TENM3: variants seen among roughly 807,000 people sequenced by gnomAD.
TENM3 encodes the protein teneurin-3.
TENM3 carries 63 observed loss-of-function variants against 255.1 expected under a neutral mutation model. That is an observed-to-expected ratio of 0.25 (90% CI 0.20 to 0.30). The LOEUF (loss-of-function observed/expected upper bound fraction) is 0.30. TENM3 is among the 10% of genes least tolerant of loss of function. TENM3 has a pLI of 1.00. For missense variants in TENM3, 2,929 were observed against 3,461.1 expected (o/e 0.85, Z 3.86); for synonymous variants, 1,306 against 1,322.3 (o/e 0.99, Z 0.27).
intron 3 of TENM3, among the ~76,000 whole-genome samples, chr4:182,438,236 C>A (rs1399390212): frequency 1.3e-5 from 2 of 152,142 alleles, no homozygotes; most frequent in African/African-American, 4.8e-5. Flanking sequence ...CTTTAGTGTG[C>A]AAACTATTTA....
chr4:182,205,157 T>C (rs1011157408), intron 1 of TENM3, among the ~76,000 whole-genome samples: 2 of 152,238 alleles, frequency 1.3e-5, no homozygotes, highest in African/African-American at 4.8e-5. Flanking sequence ...AAAGCCCACA[T>C]TGACCGTGGC....
the TENM3 span, among the ~76,000 whole-genome samples, chr4:181,929,237 T>C: frequency 2.6e-4 from 39 of 152,080 alleles, no homozygotes; most frequent in African/African-American, 9.4e-4. Context: ...GACTGGCAAA[T>C]TGAATAGAGT....
At chr4:181,795,580 A>G in the TENM3 span, among the ~76,000 whole-genome samples, 1 of 152,224 alleles carries the variant, frequency 6.6e-6, no homozygotes, top group African/African-American at 2.4e-5. Flanking sequence ...CTTTCAAGGT[A>G]TGATCAATAC....
the TENM3 span, among the ~76,000 whole-genome samples, chr4:181,951,044 A>G: frequency 3.9e-5 from 6 of 152,264 alleles, no homozygotes; most frequent in East Asian, 1.2e-3. Flanking sequence ...CATATCTCAG[A>G]AAAACAAAAA....
chr4:181,950,858 T>C, the TENM3 span, among the ~76,000 whole-genome samples: 2 of 151,598 alleles, frequency 1.3e-5, no homozygotes, highest in South Asian at 2.1e-4. Context: ...CTGGGCAACA[T>C]AGTGGGATCC....
At chr4:181,851,309 C>T in the TENM3 span, among the ~76,000 whole-genome samples, 10 of 152,262 alleles carry the variant, frequency 6.6e-5, no homozygotes, top group African/African-American at 1.9e-4. Flanking sequence ...AAAGTTCAAC[C>T]CATACAACAT....
chr4:182,695,297 T>A (rs1185613575), intron 12 of TENM3, among the ~76,000 whole-genome samples: 2 of 152,160 alleles, frequency 1.3e-5, no homozygotes, highest in African/African-American at 4.8e-5. Context: ...TCAGGGTCCT[T>A]CATTTGCACT....
At chr4:181,539,583 C>T in the TENM3 span, among the ~76,000 whole-genome samples, 6 of 152,124 alleles carry the variant, frequency 3.9e-5, no homozygotes, top group Middle Eastern at 3.4e-3. Context: ...TGTCATTATT[C>T]ATTTGAAGTG....
chr4:182,279,446 G>A (rs1444433024), intron 1 of TENM3, among the ~76,000 whole-genome samples: 2 of 152,130 alleles, frequency 1.3e-5, no homozygotes, highest in East Asian at 3.9e-4. Flanking sequence ...GACATTTTGA[G>A]TGCATTGCCT....
At chr4:182,403,110 G>A (rs1019888928) in intron 3 of TENM3, among the ~76,000 whole-genome samples, 1 of 152,160 alleles carries the variant, frequency 6.6e-6, no homozygotes, top group African/African-American at 2.4e-5. Flanking sequence ...CATTTCCGAA[G>A]CTGGGCTCTT....
At chr4:181,923,914 A>G in the TENM3 span, among the ~76,000 whole-genome samples, 4 of 152,200 alleles carry the variant, frequency 2.6e-5, no homozygotes, top group African/African-American at 9.6e-5. Context: ...TTGTACATCA[A>G]ACTCCTGAGT....
the TENM3 span, among the ~76,000 whole-genome samples, chr4:181,872,881 A>T: frequency 3.3e-5 from 5 of 152,138 alleles, no homozygotes; most frequent in Admixed American, 2.0e-4. Flanking sequence ...GGCCTTATGA[A>T]AAACACATAG....
intron 5 of TENM3, among the ~76,000 whole-genome samples, chr4:182,635,722 G>A (rs1056300996): frequency 6.6e-6 from 1 of 152,288 alleles, no homozygotes; most frequent in South Asian, 2.1e-4. Flanking sequence ...TAAAAAGGCT[G>A]TTTAACAACA....
chr4:182,271,759 G>A (rs1166152950), intron 1 of TENM3, among the ~76,000 whole-genome samples: 1 of 152,162 alleles, frequency 6.6e-6, no homozygotes, highest in Non-Finnish European at 1.5e-5. Context: ...TATTATCCCT[G>A]TATTATAGAG....
the TENM3 span, among the ~76,000 whole-genome samples, chr4:181,697,866 A>G: frequency 1.3e-5 from 2 of 152,330 alleles, no homozygotes; most frequent in Middle Eastern, 3.4e-3. Flanking sequence ...AACCACCGTT[A>G]GGTATGGTTT....
At chr4:181,699,395 A>G in the TENM3 span, among the ~76,000 whole-genome samples, 1 of 136,400 alleles carries the variant, frequency 7.3e-6, no homozygotes, top group South Asian at 2.6e-4. Context: ...GTGTGCAATG[A>G]TAGCACCACT....
the TENM3 span, among the ~76,000 whole-genome samples, chr4:182,117,222 A>C: frequency 2.1e-3 from 322 of 152,256 alleles, no homozygotes; most frequent in African/African-American, 7.4e-3. Context: ...AATATCTTCT[A>C]GTCTGTGGCT....
the TENM3 span, among the ~76,000 whole-genome samples, chr4:181,896,636 C>CA: frequency 4.6e-5 from 7 of 152,134 alleles, no homozygotes; most frequent in Non-Finnish European, 8.8e-5. Flanking sequence ...AGGATTCTCA[C>CA]AAAAAACGGA....
In TENM3 at chr4:182,539,369, C is replaced by T. The variant is rs188850741; in HGVS notation, c.512-61555C>T. ...ACTGATGAGCTAGCAGTGACTTCTC[C>T]GGAGGGATGGGAGTGGAAGCCAGAG... is the stretch of plus-strand genomic sequence containing the variant. On this transcript the variant is annotated intron_variant, in intron 3 of 27. Transcript: ENST00000511685. Among the ~76,000 whole-genome samples, 8 of 151,972 alleles carry T rather than the reference C, an allele frequency of 5.3e-5. No individual in the cohort carries two copies. The Middle Eastern group carries it at 0.01, about 195-fold the overall frequency.
Sources: allele counts gnomAD v4.1 joint callset (sites outside exome capture counted in the v4.1 genomes callset), GRCh38; gene constraint gnomAD v4.1.1; transcripts MANE v1.5; gene names NCBI Gene and HGNC (gene_info 2026-07-23, HGNC 2026-07-21).